The following MYO16 variants were observed in gnomAD, a reference collection of about 807,000 sequenced individuals.
MYO16 encodes the protein unconventional myosin-XVI.
In MYO16, 94 loss-of-function variants were observed where a neutral mutation model predicts 205.3. The observed-to-expected ratio is 0.46, with a 90% CI of 0.39 to 0.54. The LOEUF (loss-of-function observed/expected upper bound fraction) is 0.54. Ranked by LOEUF, MYO16 falls within the 20% of genes least tolerant of loss-of-function variation. The probability of loss-of-function intolerance (pLI) is 0.00; values close to 1 mark genes in which losing one functional copy is unlikely to be tolerated. For missense variants in MYO16, 2,315 were observed against 2,387.5 expected (o/e 0.97, Z 0.63); for synonymous variants, 988 against 954.0 (o/e 1.04, Z -0.66).
At chr13:108,625,628 C>A (rs1879705655), upstream of MYO16, among the ~76,000 whole-genome samples, 1 of 152,274 alleles carries the variant, frequency 6.6e-6, no homozygotes, top group South Asian at 2.1e-4. Context: ...GGCTCAAGGT[C>A]TCTAAATGTG....
chr13:109,144,962 GT>G (rs1327803989), intron 32 of MYO16, among the ~76,000 whole-genome samples: 1 of 152,164 alleles, frequency 6.6e-6, no homozygotes, highest in Non-Finnish European at 1.5e-5. Flanking sequence ...CAAATTCTAT[GT>G]TGCCCAAACC....
chr13:108,793,203 G>A (rs377273023), intron 5 of MYO16, among the ~76,000 whole-genome samples: 662 of 151,340 alleles, frequency 4.4e-3, no homozygotes, highest in Non-Finnish European at 6.4e-3. Flanking sequence ...GGAGAATGGC[G>A]TGAACCCGGG....
chr13:108,793,890 C>G (rs962860174), intron 6 of MYO16, among the ~76,000 whole-genome samples: 3 of 152,126 alleles, frequency 2.0e-5, no homozygotes, highest in African/African-American at 7.2e-5. Flanking sequence ...GTATGTTCAT[C>G]CCAGTGCCGT....
intron 10 of MYO16, among the ~76,000 whole-genome samples, chr13:108,846,596 A>G (rs897148543): frequency 5.3e-5 from 8 of 152,068 alleles, no homozygotes; most frequent in Non-Finnish European, 8.8e-5. Flanking sequence ...CTATTAGAAT[A>G]GTTATGTGAG....
intron 34 of MYO16, among the ~76,000 whole-genome samples, chr13:109,197,145 C>T (rs1880194806): frequency 6.6e-6 from 1 of 152,184 alleles, no homozygotes. Flanking sequence ...CCATTCAGAT[C>T]TATTTAGGCA....
rs544600557 is a variant in MYO16, at chr13:109,069,027, A to G, written c.3335+13432A>G. On this transcript the variant is annotated intron_variant, in intron 27 of 34. Coordinates refer to ENST00000457511, the MANE Select transcript of MYO16 (RefSeq NM_001198950.3). ...TTCCCATCCCAAACCTTGCCCTGAC[A>G]CATTGTCCAATGTAGTTCATCAGGG... is the stretch of plus-strand genomic sequence containing the variant. 1.9e-4 allele frequency among the ~76,000 whole-genome samples: 29 copies of G among 152,308 alleles called. 1 individual carries two copies. Among genetic ancestry groups the G allele is most frequent in the African/African-American group, 6.5e-4 (27 of 41,578 alleles).
intron 1 of MYO16, among the ~76,000 whole-genome samples, chr13:108,599,488 A>T (rs1222726939): frequency 6.6e-6 from 1 of 152,174 alleles, no homozygotes; most frequent in Non-Finnish European, 1.5e-5. Flanking sequence ...TACCTTGGGA[A>T]AACAAGGGTT....
At chr13:109,152,984 T>C (rs1168286359) in intron 32 of MYO16, among the ~76,000 whole-genome samples, 1 of 152,202 alleles carries the variant, frequency 6.6e-6, no homozygotes, top group African/African-American at 2.4e-5. Flanking sequence ...GGCTCTCTCT[T>C]AAGCAGACCA....
At chr13:108,969,611 C>A (rs1296432944) in intron 20 of MYO16, among the ~76,000 whole-genome samples, 1 of 152,158 alleles carries the variant, frequency 6.6e-6, no homozygotes, top group African/African-American at 2.4e-5. Context: ...ATGAATTCCA[C>A]CCAGACCAAA....
chr13:109,081,296 T>C (rs1888273422), intron 27 of MYO16, among the ~76,000 whole-genome samples: 1 of 152,180 alleles, frequency 6.6e-6, no homozygotes, highest in South Asian at 2.1e-4. Flanking sequence ...ATTCTAGATA[T>C]TTATTTATTG....
At chr13:108,517,098 TA>T in the MYO16 span, among the ~76,000 whole-genome samples, 2 of 152,162 alleles carry the variant, frequency 1.3e-5, no homozygotes, top group African/African-American at 4.8e-5. Context: ...TCCAGTTATT[TA>T]AAAATATTTT....
chr13:108,838,168 TCTC>T (rs1877027486), intron 9 of MYO16, among the ~76,000 whole-genome samples: 1 of 152,086 alleles, frequency 6.6e-6, no homozygotes, highest in Non-Finnish European at 1.5e-5. Context: ...AGCAAGTTCT[TCTC>T]CTCTGTGCCC....
intron 16 of MYO16, among the ~76,000 whole-genome samples, chr13:108,952,293 T>G (rs1883187788): frequency 6.6e-6 from 1 of 152,002 alleles, no homozygotes; most frequent in African/African-American, 2.4e-5. Context: ...TCAGGAGAGG[T>G]GGAACAGAAA....
chr13:108,543,926 G>C, the MYO16 span, among the ~76,000 whole-genome samples: 1 of 150,810 alleles, frequency 6.6e-6, no homozygotes, highest in Non-Finnish European at 1.5e-5. Context: ...TTAGCTGGGT[G>C]TGGTGGTGCA....
chr13:108,630,695 T>C (rs1879942227), intron 1 of MYO16, among the ~76,000 whole-genome samples: 1 of 152,232 alleles, frequency 6.6e-6, no homozygotes, highest in Non-Finnish European at 1.5e-5. Context: ...AAAATGGTTT[T>C]CTTTTAAGCT....
intron 14 of MYO16, among the ~76,000 whole-genome samples, chr13:108,896,393 C>T (rs1880414117): frequency 6.6e-6 from 1 of 151,824 alleles, no homozygotes; most frequent in African/African-American, 2.4e-5. Flanking sequence ...TCCCAGAAAA[C>T]ATTGCTATCA....
rs527377536 is a variant in MYO16, at chr13:109,034,405, T to C, written c.2797-12511T>C. On this transcript the variant is annotated intron_variant, in intron 23 of 34. Coordinates refer to ENST00000457511, the MANE Select transcript of MYO16 (RefSeq NM_001198950.3). Reference sequence around the variant, plus strand: ...GACAGTGAGTTCTAACAAGATCTGATGGTTTTATAAGGAGCTCTTTCCCCT... The same window carrying C: ...GACAGTGAGTTCTAACAAGATCTGACGGTTTTATAAGGAGCTCTTTCCCCT... 3.9e-5 allele frequency among the ~76,000 whole-genome samples: 6 copies of C among 152,264 alleles called. No homozygotes were observed. In the East Asian group the frequency reaches 1.2e-3, roughly 29 times the overall value.
chr13:108,605,351 A>G (rs535890179), intron 1 of MYO16, among the ~76,000 whole-genome samples: 7 of 152,140 alleles, frequency 4.6e-5, no homozygotes, highest in Non-Finnish European at 1.0e-4. Context: ...ATCCCTTCCA[A>G]TGTCCAAGTA....
intron 14 of MYO16, among the ~76,000 whole-genome samples, chr13:108,890,362 A>G (rs1880112942): frequency 6.6e-6 from 1 of 152,026 alleles, no homozygotes; most frequent in African/African-American, 2.4e-5. Flanking sequence ...ACATGGCATT[A>G]TCTTTGAGAC....
Sources: allele counts gnomAD v4.1 joint callset (sites outside exome capture counted in the v4.1 genomes callset), GRCh38; gene constraint gnomAD v4.1.1; transcripts MANE v1.5; gene names NCBI Gene and HGNC (gene_info 2026-07-23, HGNC 2026-07-21).